ANKS1A: variants seen among roughly 807,000 people sequenced by gnomAD.
The protein encoded by ANKS1A is ankyrin repeat and SAM domain-containing protein 1A.
A neutral mutation model predicts 120.3 loss-of-function variants in ANKS1A; 55 were observed. The ratio of observed to expected loss-of-function variants is 0.46; its 90% CI spans 0.37 to 0.57. The LOEUF is 0.57. Among genes scored for constraint, ANKS1A ranks in the 20% least tolerant of loss-of-function variants. The probability of loss-of-function intolerance (pLI) is 0.00; values close to 1 mark genes in which losing one functional copy is unlikely to be tolerated. For synonymous variants in ANKS1A, 590 were observed against 604.7 expected (o/e 0.98, Z 0.36); for missense variants, 1,123 against 1,480.3 (o/e 0.76, Z 3.96).
At position 34,962,189 on chromosome 6, in the gene ANKS1A, T is replaced by A. The variant is rs1419226359; in HGVS notation, c.198-5050T>A. ...TACAAATGTGTTAAAGAGATTTAATTGCATTTAGCTTCTTGTTTAGAAAGT... is the reference window on the plus strand; with the variant it reads ...TACAAATGTGTTAAAGAGATTTAATAGCATTTAGCTTCTTGTTTAGAAAGT... On this transcript the variant is annotated intron_variant, in intron 1 of 23. Transcript: ENST00000360359. Among the ~76,000 whole-genome samples, 6 of 152,242 alleles carry A rather than the reference T, an allele frequency of 3.9e-5. No individual in the cohort carries two copies. In the East Asian group the frequency reaches 1.2e-3, roughly 29 times the overall value.
At chr6:34,989,450 C>G (rs1429935035) in intron 9 of ANKS1A, 134 bp downstream of exon 9, 1 of 801,258 alleles carries the variant, frequency 1.2e-6, no homozygotes, top group African/African-American at 1.7e-5. Flanking sequence ...ATTATGTGTA[C>G]TAGTAATCTG....
intron 3 of ANKS1A, among the ~76,000 whole-genome samples, chr6:34,971,842 T>C (rs1771200966): frequency 1.3e-5 from 2 of 152,204 alleles, no homozygotes; most frequent in South Asian, 4.1e-4. Context: ...TCAGCCTTCC[T>C]TTCCCCTTTT....
chr6:35,094,346 G>A (rs1450196307), downstream of ANKS1A, among the ~76,000 whole-genome samples: 1 of 152,012 alleles, frequency 6.6e-6, no homozygotes, highest in East Asian at 1.9e-4. Context: ...GCCTGAGGCA[G>A]GAGAATGGCT....
chr6:35,003,527 G>A (rs1003889994), intron 10 of ANKS1A, among the ~76,000 whole-genome samples: 2 of 152,210 alleles, frequency 1.3e-5, no homozygotes, highest in Non-Finnish European at 2.9e-5. Flanking sequence ...CCGTACAAGT[G>A]TAGCATGGAT....
Position 34,924,617 on chromosome 6 carries a change from A to T in ANKS1A, c.197+35018A>T, listed in dbSNP as rs73421525. On this transcript the variant is annotated intron_variant, in intron 1 of 23. Coordinates refer to ENST00000360359, the MANE Select transcript of ANKS1A (RefSeq NM_015245.3). ...ATTTCAAGAAAATCTGTCTGAAATG[A>T]CAAAGGACCTCCTTTGTCCTTTGAG... Among the ~76,000 whole-genome samples, 114 of 152,332 alleles carry T rather than the reference A, an allele frequency of 7.5e-4. 1 individual carries two copies. The highest frequency in any genetic ancestry group is 3.4e-3 in the Middle Eastern group (1 of 294).
At chr6:35,031,553 T>C (rs1774911233) in intron 11 of ANKS1A, among the ~76,000 whole-genome samples, 1 of 152,208 alleles carries the variant, frequency 6.6e-6, no homozygotes, top group African/African-American at 2.4e-5. Flanking sequence ...CCCCATTTTG[T>C]GCCAGTCGCC....
intron 11 of ANKS1A, among the ~76,000 whole-genome samples, chr6:35,041,328 G>A (rs755315261): frequency 7.9e-5 from 12 of 152,298 alleles, no homozygotes; most frequent in South Asian, 2.1e-4. Context: ...GGCTGTGATC[G>A]CTCTGGAATC....
rs1778250827 is a variant in ANKS1A at position 35,090,628 on chromosome 6, C to T, written c.*2019C>T. 2 of 991,174 alleles carry T rather than the reference C, an allele frequency of 2.0e-6. No individual in the cohort carries two copies. The highest frequency in any genetic ancestry group is 2.4e-6 in the Non-Finnish European group (2 of 833,694). The allele number at this position is 991,174 out of a possible 1,614,324, so 61.4% of individuals were successfully genotyped here. On this transcript the variant is annotated 3_prime_UTR_variant, in exon 24 of 24. Transcript: ENST00000360359. ...TATTCAAGAAAGGAAAATGACTGGG[C>T]CTTTCTTTCTTTTCTTCTCCTCTGG...
At position 35,060,237 on chromosome 6, in the gene ANKS1A, A is replaced by G. The variant is rs1472631546; in HGVS notation, c.2168A>G (p.Asp723Gly). 6.2e-7 allele frequency: 1 copy of G among 1,611,252 alleles called. No homozygotes were observed. Among genetic ancestry groups the G allele is most frequent in the African/African-American group, 1.3e-5 (1 of 74,820 alleles). ...YESKLLLNGFDDVHFLGSNVM... is the reference protein window; with the variant it reads ...YESKLLLNGFGDVHFLGSNVM... ...AGCAAGTTGCTTCTGAATGGCTTTGACGATGTCCACTTCCTGGTAAGTGGC... is the reference window on the plus strand; with the variant it reads ...AGCAAGTTGCTTCTGAATGGCTTTGGCGATGTCCACTTCCTGGTAAGTGGC... Residue 723 changes from aspartate (D) to glycine (G), a missense_variant, in exon 13 of 24, where the codon GAC (aspartate) becomes GGC (glycine). Transcript: ENST00000360359. The surrounding 1 kb of genome is among the most constrained non-coding windows in gnomAD (Gnocchi z 4.5).
intron 13 of ANKS1A, among the ~76,000 whole-genome samples, chr6:35,069,956 G>A (rs1435242679): frequency 6.6e-6 from 1 of 150,756 alleles, no homozygotes; most frequent in Non-Finnish European, 1.5e-5. Flanking sequence ...GAACCTGGGA[G>A]GTGGAAGTTG....
At chr6:35,083,548 C>T in intron 20 of ANKS1A, 45 bp downstream of exon 20, 1 of 1,583,008 alleles carries the variant, frequency 6.3e-7, no homozygotes, top group Non-Finnish European at 8.7e-7. Context: ...GACCCACATC[C>T]CCGTCAGACC....
chr6:35,034,866 A>G (rs779606987), intron 11 of ANKS1A, among the ~76,000 whole-genome samples: 5 of 152,228 alleles, frequency 3.3e-5, no homozygotes, highest in Admixed American at 6.5e-5. Flanking sequence ...CAAATGGGCT[A>G]AGGACAGACT....
intron 3 of ANKS1A, among the ~76,000 whole-genome samples, chr6:34,970,767 T>C (rs1006738960): frequency 9.9e-5 from 15 of 151,968 alleles, no homozygotes; most frequent in South Asian, 4.2e-4. Context: ...GGCAGGAGAA[T>C]TGCTTGAGGC....
chr6:34,976,547 T>C (rs970973120), intron 3 of ANKS1A, among the ~76,000 whole-genome samples: 4 of 152,116 alleles, frequency 2.6e-5, no homozygotes, highest in Non-Finnish European at 5.9e-5. Context: ...GATTTCACAG[T>C]CTTAGAACTG....
Position 34,978,546 on chromosome 6 carries a change from C to T in ANKS1A, c.436-3144C>T, listed in dbSNP as rs548368026. On this transcript the variant is annotated intron_variant, in intron 3 of 23. Coordinates refer to ENST00000360359, the MANE Select transcript of ANKS1A (RefSeq NM_015245.3). ...GCCTGCGAGGCGCGGTAGCTCACGC[C>T]TGTAATCCCGGCACTTTGGGAGGCC... Among the ~76,000 whole-genome samples the T allele has an allele frequency of 2.0e-5, 3 of 152,250 alleles. No homozygotes were observed. In the South Asian group the frequency reaches 6.2e-4, roughly 32 times the overall value.
At chr6:35,001,690 C>T (rs1773175245) in intron 10 of ANKS1A, among the ~76,000 whole-genome samples, 1 of 152,224 alleles carries the variant, frequency 6.6e-6, no homozygotes, top group Non-Finnish European at 1.5e-5. Flanking sequence ...ATCAATCAGT[C>T]AGCCCTTGTT....
intron 12 of ANKS1A, 134 bp downstream of exon 12, chr6:35,054,299 A>G (rs1776100607): frequency 8.0e-6 from 6 of 747,570 alleles, no homozygotes; most frequent in Middle Eastern, 2.6e-4. Context: ...TCATGCTCCT[A>G]TAATTCAGTC....
At position 35,044,778 on chromosome 6, in the gene ANKS1A, T is replaced by A. The variant is rs1215532493; in HGVS notation, c.2011-9321T>A. 1.3e-5 allele frequency among the ~76,000 whole-genome samples: 2 copies of A among 152,222 alleles called. No individual in the cohort carries two copies. Among genetic ancestry groups the A allele is most frequent in the African/African-American group, 4.8e-5 (2 of 41,460 alleles). ...AAAAACAAAGGAACCTGGATTTTGA[T>A]TAACTTGTTTTTTAGATAGAATTTT... On this transcript the variant is annotated intron_variant, in intron 11 of 23. Coordinates refer to ENST00000360359, the MANE Select transcript of ANKS1A (RefSeq NM_015245.3). This position sits in a 1 kb window ranked among gnomAD's most constrained non-coding sequence, Gnocchi z 4.4.
chr6:34,983,440 C>G lies in ANKS1A; in HGVS notation c.1012+15C>G, dbSNP rs376166372. On this transcript the variant is annotated intron_variant, in intron 7 of 23. Coordinates refer to ENST00000360359, the MANE Select transcript of ANKS1A (RefSeq NM_015245.3). ...GAAGTCTCAGGGTAAGGTAACTCTC[C>G]CCTATGAGTAAAGGGGTGCTCAGCT... The G allele has an allele frequency of 1.3e-6, 2 of 1,596,792 alleles. No individual in the cohort carries two copies. Among genetic ancestry groups the G allele is most frequent in the African/African-American group, 2.7e-5 (2 of 74,190 alleles).
Sources: gnomAD v4.1 joint callset for allele counts (sites outside exome capture counted in the v4.1 genomes callset) on GRCh38, gnomAD v4.1.1 for gene constraint, Gnocchi (gnomAD v3.1) non-coding constraint, MANE v1.5 for transcripts, NCBI Gene and HGNC (gene_info 2026-07-23, HGNC 2026-07-21) for gene names.